CHODL: variants seen among roughly 807,000 people sequenced by gnomAD.
CHODL encodes the protein chondrolectin.
A neutral mutation model predicts 34.5 loss-of-function variants in CHODL; 29 were observed. The observed-to-expected ratio is 0.84, with a 90% confidence interval of 0.63 to 1.15. The LOEUF is 1.15. CHODL is among the 50% of genes most tolerant of loss of function. CHODL has a pLI of 0.00. For synonymous variants in CHODL, 125 were observed against 116.1 expected, an observed-to-expected ratio of 1.08 and a Z score of -0.49; for missense variants, 332 against 332.5, an observed-to-expected ratio of 1.00 and a Z score of 0.01.
chr21:17,986,723 C>CT (rs1165620276), intron 1 of CHODL, among the ~76,000 whole-genome samples: 1 of 152,140 alleles, frequency 6.6e-6, no homozygotes, highest in Non-Finnish European at 1.5e-5. Flanking sequence ...GTTCTAGGTC[C>CT]TTGAGGAATC....
chr21:17,951,269 C>T (rs998336078), intron 1 of CHODL, among the ~76,000 whole-genome samples: 1 of 152,120 alleles, frequency 6.6e-6, no homozygotes, highest in African/African-American at 2.4e-5. Flanking sequence ...TGCCACAGGG[C>T]TGATATCTTT....
intron 2 of CHODL, among the ~76,000 whole-genome samples, chr21:18,094,379 C>CA (rs1391163688): frequency 1.3e-5 from 2 of 152,160 alleles, no homozygotes; most frequent in Admixed American, 1.3e-4. Context: ...GAGATATTTA[C>CA]AGAACATTTT....
At chr21:17,945,708 T>C (rs1330653242) in intron 1 of CHODL, among the ~76,000 whole-genome samples, 1 of 152,180 alleles carries the variant, frequency 6.6e-6, no homozygotes, top group African/African-American at 2.4e-5. Context: ...GCTAAAATTT[T>C]CCTAATCTAG....
At chr21:18,167,574 G>A (rs571961448) in intron 2 of CHODL, among the ~76,000 whole-genome samples, 1 of 152,216 alleles carries the variant, frequency 6.6e-6, no homozygotes, top group East Asian at 1.9e-4. Flanking sequence ...CTCCCAAAAT[G>A]CTGGGTTTAC....
chr21:18,117,333 G>A (rs138371613), intron 2 of CHODL, among the ~76,000 whole-genome samples: 133 of 152,306 alleles, frequency 8.7e-4, no homozygotes, highest in African/African-American at 3.1e-3. Flanking sequence ...ATTTTCCACA[G>A]TGGTATGACG....
chr21:17,950,010 A>C (rs886273629), intron 1 of CHODL, among the ~76,000 whole-genome samples: 1 of 152,224 alleles, frequency 6.6e-6, no homozygotes, highest in African/African-American at 2.4e-5. Flanking sequence ...AAATCAAAAC[A>C]AAAGAATAGA....
chr21:18,070,025 T>TCCCTTCCCTTCC (rs2064781631), intron 2 of CHODL, among the ~76,000 whole-genome samples: 1 of 29,090 alleles, frequency 3.4e-5, no homozygotes, highest in Non-Finnish European at 1.0e-4. Flanking sequence ...TTCCCTTCCC[T>TCCCTTCCCTTCC]CCCCCCCCCC....
chr21:18,031,293 C>T (rs1368176078), intron 2 of CHODL, among the ~76,000 whole-genome samples: 1 of 152,096 alleles, frequency 6.6e-6, no homozygotes, highest in Non-Finnish European at 1.5e-5. Context: ...AGATTCCTTA[C>T]TAGGGCAACT....
At chr21:17,994,323 T>G (rs1042424245) in intron 1 of CHODL, among the ~76,000 whole-genome samples, 7 of 152,190 alleles carry the variant, frequency 4.6e-5, no homozygotes, top group African/African-American at 1.7e-4. Context: ...TACTTAGGCC[T>G]TCTGGTGGTG....
chr21:18,261,207 G>A (rs1389199791), intron 4 of CHODL, among the ~76,000 whole-genome samples: 1 of 152,144 alleles, frequency 6.6e-6, no homozygotes, highest in Non-Finnish European at 1.5e-5. Flanking sequence ...CATAGTTCTT[G>A]AATTTGCTTT....
intron 2 of CHODL, among the ~76,000 whole-genome samples, chr21:18,186,167 T>C (rs9981337): frequency 0.41 from 62,285 of 151,954 alleles, 17,751 homozygotes; most frequent in African/African-American, 0.81. Context: ...AGAACGACCC[T>C]ACCGACTGCA....
At chr21:18,228,491 C>G (rs773109070) in intron 2 of CHODL, among the ~76,000 whole-genome samples, 1 of 152,136 alleles carries the variant, frequency 6.6e-6, no homozygotes, top group Non-Finnish European at 1.5e-5. Flanking sequence ...ACTGGCTTTA[C>G]TGCAGGCATC....
At chr21:18,090,664 G>GA (rs374499002) in intron 2 of CHODL, among the ~76,000 whole-genome samples, 6 of 128,272 alleles carry the variant, frequency 4.7e-5, no homozygotes, top group African/African-American at 1.9e-4. Context: ...ATATGAAAAG[G>GA]AAAATAAAAA....
chr21:18,137,286 C>G (rs2072745214), intron 2 of CHODL, among the ~76,000 whole-genome samples: 1 of 152,140 alleles, frequency 6.6e-6, no homozygotes, highest in Non-Finnish European at 1.5e-5. Context: ...CCTCCAATTT[C>G]TTTAAGTGTT....
At chr21:18,259,608 A>T (rs2074356885) in intron 3 of CHODL, among the ~76,000 whole-genome samples, 1 of 152,076 alleles carries the variant, frequency 6.6e-6, no homozygotes, top group African/African-American at 2.4e-5. Context: ...TGCAAGCTTT[A>T]ATTTAGTGTT....
chr21:18,133,494 A>G (rs565682261), intron 2 of CHODL, among the ~76,000 whole-genome samples: 2 of 152,270 alleles, frequency 1.3e-5, no homozygotes, highest in South Asian at 2.1e-4. Context: ...TACTATTTGC[A>G]TGGGTTTCAT....
chr21:18,245,163 TG>T lies in CHODL; in HGVS notation c.-60del. 1.1e-6 allele frequency: 1 copy of T among 925,638 alleles called. No individual in the cohort carries two copies. The highest frequency in any genetic ancestry group is 1.5e-5 in the South Asian group (1 of 65,790). The allele number at this position is 925,638 out of a possible 1,614,324, so 57.3% of individuals were successfully genotyped here. On this transcript the variant is annotated 5_prime_UTR_variant, in exon 1 of 6. Transcript: ENST00000299295. ...AGGCTGCAGAGTCAGAGTCGCGGGC[TG>T]CGCCCTGGGCAGAGGCCGCCCTCGC...
In CHODL at chr21:18,131,853, C is replaced by T. The variant is rs140288944; in HGVS notation, c.-45+103882C>T. Among the ~76,000 whole-genome samples the T allele has an allele frequency of 2.9e-3, 447 of 152,058 alleles. 5 individuals carry two copies. The highest frequency in any genetic ancestry group is 9.5e-3 in the African/African-American group (396 of 41,514). On this transcript the variant is annotated intron_variant, in intron 2 of 6. Transcript: ENST00000400127. ...TCTTTTTTTAAACCTTTTTTCTGCC[C>T]TTATTTCATTCTTCCATTATTTTTT...
chr21:18,084,789 T>C (rs555021908), intron 2 of CHODL, among the ~76,000 whole-genome samples: 1 of 152,318 alleles, frequency 6.6e-6, no homozygotes, highest in South Asian at 2.1e-4. Flanking sequence ...GTTTATTTAG[T>C]CTAAAATCCA....
Sources: allele counts gnomAD v4.1 joint callset (sites outside exome capture counted in the v4.1 genomes callset), GRCh38; gene constraint gnomAD v4.1.1; transcripts MANE v1.5; gene names NCBI Gene and HGNC (gene_info 2026-07-23, HGNC 2026-07-21).